Variants in SLCO6A1 observed in about 807,000 individuals in gnomAD.
The protein encoded by SLCO6A1 is solute carrier organic anion transporter family member 6A1.
In SLCO6A1, 65 loss-of-function variants were observed where a neutral mutation model predicts 72.7. The ratio of observed to expected loss-of-function variants is 0.89; its 90% CI spans 0.73 to 1.10. SLCO6A1 has a LOEUF of 1.10. Ranked by LOEUF, SLCO6A1 falls within the 50% of genes least tolerant of loss-of-function variation. The pLI, the probability that SLCO6A1 is intolerant of heterozygous loss-of-function variation, is 0.00. For synonymous variants in SLCO6A1, 314 were observed against 298.2 expected, an observed-to-expected ratio of 1.05 and a Z score of -0.55; for missense variants, 874 against 872.6, an observed-to-expected ratio of 1.00 and a Z score of -0.02.
At position 102,488,729 on chromosome 5, in the gene SLCO6A1, G is replaced by A. The variant is rs576020162; in HGVS notation, c.359-8295C>T. On this transcript the variant is annotated intron_variant, in intron 1 of 13. Coordinates refer to ENST00000506729, the MANE Select transcript of SLCO6A1 (RefSeq NM_173488.5). Reference sequence around the variant, plus strand: ...GTTACTACAACCTAGAGATATCAGCGTTCCATATTTGCACTGGCAACAAGG... The same window carrying A: ...GTTACTACAACCTAGAGATATCAGCATTCCATATTTGCACTGGCAACAAGG... Among the ~76,000 whole-genome samples the A allele has an allele frequency of 7.2e-5, 11 of 152,232 alleles. No individual in the cohort carries two copies. In the East Asian group the frequency reaches 1.4e-3, roughly 19 times the overall value.
At chr5:102,448,405 A>C (rs1330478817) in intron 6 of SLCO6A1, among the ~76,000 whole-genome samples, 3 of 152,156 alleles carry the variant, frequency 2.0e-5, no homozygotes, top group Non-Finnish European at 4.4e-5. Context: ...TCAAGTGTCA[A>C]GTTTAGGTCC....
chr5:102,495,348 C>T (rs1419053494), intron 1 of SLCO6A1, among the ~76,000 whole-genome samples: 1 of 152,184 alleles, frequency 6.6e-6, no homozygotes, highest in Non-Finnish European at 1.5e-5. Context: ...AATTCCAGCA[C>T]TTTGGGAGGC....
Position 102,399,665 on chromosome 5 carries a change from G to A in SLCO6A1, c.1704C>T (p.Pro568=), listed in dbSNP as rs149826491. The change falls in exon 10 of 14, where the codon CCC becomes CCT. Residue 568 remains proline (P), a synonymous_variant. Coordinates refer to ENST00000506729, the MANE Select transcript of SLCO6A1 (RefSeq NM_173488.5). ...TATAGCACTTTGCATCACATTTCCC[G>A]GGTCTGGCATCAATAAAATCACCTT... The part of the protein sequence containing the change: ...DAEGDFIDAR[P]GKCDAKCYKL... 2.2e-4 allele frequency: 356 copies of A among 1,608,884 alleles called. 1 individual carries two copies. The highest frequency in any genetic ancestry group is 5.0e-4 in the Middle Eastern group (3 of 6,040).
chr5:102,393,063 A>T (rs996737203), intron 10 of SLCO6A1, among the ~76,000 whole-genome samples: 8 of 152,236 alleles, frequency 5.3e-5, no homozygotes, highest in African/African-American at 1.9e-4. Flanking sequence ...GTCATTAAAA[A>T]ATTTTTTTCA....
intron 9 of SLCO6A1, among the ~76,000 whole-genome samples, chr5:102,410,477 A>G (rs1330329989): frequency 6.6e-6 from 1 of 152,210 alleles, no homozygotes; most frequent in Non-Finnish European, 1.5e-5. Context: ...GACTAGCCAG[A>G]GCAAGGAAAG....
intron 6 of SLCO6A1, among the ~76,000 whole-genome samples, chr5:102,439,605 A>G (rs1427840741): frequency 6.6e-6 from 1 of 152,126 alleles, no homozygotes; most frequent in Non-Finnish European, 1.5e-5. Context: ...TCATTCCCAT[A>G]ATATTAAATA....
At position 102,474,053 on chromosome 5, in the gene SLCO6A1, C is replaced by A. The variant is rs796965176; in HGVS notation, c.899+1644G>T. Among the ~76,000 whole-genome samples the A allele has an allele frequency of 3.3e-5, 5 of 151,892 alleles. 1 individual carries two copies. Among genetic ancestry groups the A allele is most frequent in the African/African-American group, 1.2e-4 (5 of 41,476 alleles). On this transcript the variant is annotated intron_variant, in intron 4 of 13. Transcript: ENST00000506729. ...ATTTAATGCAATCCCTATCAAAATT[C>A]CAATGGCGTTTTTTACAAAAATAGA...
intron 9 of SLCO6A1, among the ~76,000 whole-genome samples, chr5:102,400,348 TG>T (rs1747330135): frequency 6.6e-6 from 1 of 151,982 alleles, no homozygotes; most frequent in African/African-American, 2.4e-5. Context: ...GAATCCAGCT[TG>T]GATTGTATTT....
At chr5:102,466,071 T>C (rs989764359) in intron 4 of SLCO6A1, among the ~76,000 whole-genome samples, 8 of 152,120 alleles carry the variant, frequency 5.3e-5, no homozygotes, top group Non-Finnish European at 1.0e-4. Context: ...TGTGGAGGTT[T>C]GTTAAATAAG....
intron 7 of SLCO6A1, among the ~76,000 whole-genome samples, chr5:102,435,153 C>A (rs1280657773): frequency 1.3e-5 from 2 of 151,952 alleles, no homozygotes; most frequent in Non-Finnish European, 2.9e-5. Flanking sequence ...TTGCTGTGAC[C>A]CTCTTAGGAA....
Position 102,498,480 on chromosome 5 carries a change from G to A in SLCO6A1, c.358+7C>T. 1.9e-6 allele frequency: 3 copies of A among 1,607,104 alleles called. No individual in the cohort carries two copies. Among genetic ancestry groups the A allele is most frequent in the Non-Finnish European group, 2.6e-6 (3 of 1,175,884 alleles). On this transcript the variant is annotated splice_region_variant and intron_variant, in intron 1 of 13. Coordinates refer to ENST00000506729, the MANE Select transcript of SLCO6A1 (RefSeq NM_173488.5). ...TCGCCACAACAAACCGCCTCCTTCA[G>A]GCTCACCTTGACATATGAGCAGGAT...
chr5:102,373,477 A>C lies in SLCO6A1; in HGVS notation c.2035T>G (p.Cys679Gly). ...GCAATAGTAGTGAAGATGATAGTGC[A>C]TAGTTTGCAAAGAAAACCTAAATTT... ...LVGICFLCKL[C>G]TIIFTTIAFF... Residue 679 changes from cysteine to glycine, a missense_variant, in exon 13 of 14, where the codon TGC becomes GGC. Transcript: ENST00000506729. 6.7e-7 allele frequency: 1 copy of C among 1,493,856 alleles called. No individual in the cohort carries two copies. The highest frequency in any genetic ancestry group is 8.9e-7 in the Non-Finnish European group (1 of 1,121,860). The allele number at this position is 1,493,856 out of a possible 1,614,324, so 92.5% of individuals were successfully genotyped here. A position where few individuals can be genotyped will look rare whatever the true frequency, so the allele number is the denominator to read the frequency against.
intron 1 of SLCO6A1, among the ~76,000 whole-genome samples, chr5:102,490,773 C>G (rs1244984062): frequency 6.6e-6 from 1 of 152,082 alleles, no homozygotes; most frequent in South Asian, 2.1e-4. Context: ...TTCGTGGTCT[C>G]GCTGGCTTCA....
At chr5:102,381,714 T>G (rs1243058971) in intron 12 of SLCO6A1, among the ~76,000 whole-genome samples, 2 of 146,904 alleles carry the variant, frequency 1.4e-5, no homozygotes, top group African/African-American at 5.0e-5. Context: ...TTTTTCCACA[T>G]CCTCACCAAT....
intron 1 of SLCO6A1, among the ~76,000 whole-genome samples, chr5:102,482,690 G>A (rs1023629874): frequency 2.0e-5 from 3 of 152,242 alleles, no homozygotes; most frequent in African/African-American, 7.2e-5. Context: ...CTTCTTTACT[G>A]TAAAATTAGT....
At chr5:102,396,227 A>G (rs1374788242) in intron 10 of SLCO6A1, among the ~76,000 whole-genome samples, 7 of 152,036 alleles carry the variant, frequency 4.6e-5, no homozygotes, top group Admixed American at 4.6e-4. Context: ...TATAAGGTGT[A>G]AGGAAGGGAT....
intron 12 of SLCO6A1, 138 bp from the exon 13 acceptor site, chr5:102,373,632 A>T: frequency 2.3e-6 from 1 of 440,376 alleles, no homozygotes; most frequent in East Asian, 3.8e-5. Flanking sequence ...AATGCAATTA[A>T]TGCCATAAAA....
intron 9 of SLCO6A1, among the ~76,000 whole-genome samples, chr5:102,412,089 T>C (rs990446979): frequency 6.6e-6 from 1 of 152,078 alleles, no homozygotes; most frequent in Non-Finnish European, 1.5e-5. Flanking sequence ...ACTCAACCAA[T>C]TGTCGACCAG....
At chr5:102,478,299 C>T (rs968475020) in intron 2 of SLCO6A1, among the ~76,000 whole-genome samples, 6 of 152,158 alleles carry the variant, frequency 3.9e-5, no homozygotes, top group Non-Finnish European at 5.9e-5. Flanking sequence ...TGCACATAGA[C>T]ATAGCACATA....
Sources: gnomAD v4.1 joint callset for allele counts (sites outside exome capture counted in the v4.1 genomes callset) on GRCh38, gnomAD v4.1.1 for gene constraint, MANE v1.5 for transcripts, NCBI Gene and HGNC (gene_info 2026-07-23, HGNC 2026-07-21) for gene names.